The following SENP7 variants were observed in gnomAD, a reference collection of about 807,000 sequenced individuals.
SENP7 encodes the protein sentrin-specific protease 7.
A neutral mutation model predicts 141.2 loss-of-function variants in SENP7; 64 were observed. The ratio of observed to expected loss-of-function variants is 0.45; its 90% CI spans 0.37 to 0.56. The LOEUF (loss-of-function observed/expected upper bound fraction) is 0.56, where lower values mean the gene tolerates loss of function less well. Ranked by LOEUF, SENP7 falls within the 20% of genes least tolerant of loss-of-function variation. SENP7 has a pLI of 0.00. For missense variants in SENP7, 1,025 were observed against 1,212.2 expected (o/e 0.85, Z 2.29); for synonymous variants, 382 against 426.4 (o/e 0.90, Z 1.28).
chr3:101,394,533 G>T (rs1439756356), intron 6 of SENP7, among the ~76,000 whole-genome samples: 2 of 147,498 alleles, frequency 1.4e-5, no homozygotes, highest in East Asian at 2.0e-4. Flanking sequence ...TTTTTTTTGA[G>T]ACGGAGTCTG....
chr3:101,447,652 A>G (rs1266798211), intron 4 of SENP7, among the ~76,000 whole-genome samples: 2 of 152,208 alleles, frequency 1.3e-5, no homozygotes, highest in Non-Finnish European at 2.9e-5. Context: ...TAAAATGGCA[A>G]TATTCCCCAA....
chr3:101,410,828 G>A (rs1284411515), intron 5 of SENP7, among the ~76,000 whole-genome samples: 1 of 53,344 alleles, frequency 1.9e-5, no homozygotes, highest in African/African-American at 7.4e-5. Context: ...CTGGATGACA[G>A]AGTGAGATTC....
chr3:101,344,991 C>CA lies in SENP7; in HGVS notation c.1838-1038dup, dbSNP rs71132568. ...AGCCCATCTCTAGAAAAAAAGAAAG[C>CA]AAAAAAAAAAAAAAAAAAAAAAAAA... On this transcript the variant is annotated intron_variant, in intron 13 of 23. Coordinates refer to ENST00000394095, the MANE Select transcript of SENP7 (RefSeq NM_020654.5). Among the ~76,000 whole-genome samples, 265 of 61,350 alleles carry CA rather than the reference C, an allele frequency of 4.3e-3. 8 individuals are homozygous for CA. Among genetic ancestry groups the CA allele is most frequent in the African/African-American group, 0.014 (203 of 14,968 alleles). 40.2% of individuals were successfully genotyped at this position (61,350 alleles called of 152,430 possible). A position where few individuals can be genotyped will look rare whatever the true frequency, so the allele number is the denominator to read the frequency against.
chr3:101,414,701 T>C (rs1408439807), intron 5 of SENP7: 2 of 951,298 alleles, frequency 2.1e-6, no homozygotes, highest in Non-Finnish European at 3.1e-6. Flanking sequence ...TTGGGAACTT[T>C]AGTATTTTAA....
chr3:101,428,021 T>A lies in SENP7; in HGVS notation c.285-10231A>T, dbSNP rs192444525. 1.1e-3 allele frequency among the ~76,000 whole-genome samples: 173 copies of A among 152,352 alleles called. 1 individual carries two copies. The highest frequency in any genetic ancestry group is 3.4e-3 in the Middle Eastern group (1 of 294). Reference sequence around the variant, plus strand: ...TTCATCCATGTCCTGGCAAAGGACATGAAATCATCCTTTTTTATGGCTGCA... The same window carrying A: ...TTCATCCATGTCCTGGCAAAGGACAAGAAATCATCCTTTTTTATGGCTGCA... On this transcript the variant is annotated intron_variant, in intron 4 of 23. Transcript: ENST00000394095.
intron 11 of SENP7, among the ~76,000 whole-genome samples, chr3:101,355,210 T>C (rs2059709627): frequency 6.6e-6 from 1 of 152,238 alleles, no homozygotes; most frequent in Non-Finnish European, 1.5e-5. Flanking sequence ...GCAGAAGTTC[T>C]TTAGTTTAAC....
At chr3:101,334,829 G>A (rs2059143196) in intron 17 of SENP7, among the ~76,000 whole-genome samples, 1 of 152,120 alleles carries the variant, frequency 6.6e-6, no homozygotes, top group Admixed American at 6.5e-5. Flanking sequence ...ATAGAATGAG[G>A]CAAGGAGGAT....
intron 3 of SENP7, among the ~76,000 whole-genome samples, chr3:101,479,218 A>T (rs2064346202): frequency 6.6e-6 from 1 of 152,230 alleles, no homozygotes; most frequent in African/African-American, 2.4e-5. Flanking sequence ...AGGCAAGAGA[A>T]AAAATAAAAG....
chr3:101,397,889 C>T (rs1050557361), intron 6 of SENP7, among the ~76,000 whole-genome samples: 4 of 152,124 alleles, frequency 2.6e-5, no homozygotes, highest in African/African-American at 9.7e-5. Flanking sequence ...ATAAATCTAA[C>T]AGAATGTACT....
At chr3:101,357,321 A>G (rs1031296955) in intron 11 of SENP7, 5 of 653,832 alleles carry the variant, frequency 7.6e-6, no homozygotes, top group African/African-American at 1.8e-5. Context: ...GACACTGCAC[A>G]GTGGAATTTA....
intron 2 of SENP7, among the ~76,000 whole-genome samples, chr3:101,498,410 G>A (rs1393656572): frequency 6.6e-6 from 1 of 152,104 alleles, no homozygotes; most frequent in African/African-American, 2.4e-5. Flanking sequence ...AATGCACTAA[G>A]AAGGTCATCA....
chr3:101,497,756 ATAAG>A (rs1287979704), intron 2 of SENP7, among the ~76,000 whole-genome samples: 6 of 152,286 alleles, frequency 3.9e-5, no homozygotes, highest in South Asian at 4.2e-4. Flanking sequence ...AAATAAATAA[ATAAG>A]TAAGTAAGTA....
chr3:101,443,598 C>T (rs1205177911), intron 4 of SENP7, among the ~76,000 whole-genome samples: 3 of 151,542 alleles, frequency 2.0e-5, no homozygotes, highest in East Asian at 3.9e-4. Context: ...AATGTTCTTC[C>T]ATTTGTTTGT....
At position 101,502,352 on chromosome 3, in the gene SENP7, G is replaced by A. The variant is rs534176332; in HGVS notation, c.41-1233C>T. ...GGAGTTTCACTCATTGCCCAGGCTG[G>A]AGTGCAATGGCACAATCTCGGCTCA... is the stretch of plus-strand genomic sequence containing the variant. On this transcript the variant is annotated intron_variant, in intron 1 of 23. Transcript: ENST00000394095. Among the ~76,000 whole-genome samples, 3 of 152,296 alleles carry A rather than the reference G, an allele frequency of 2.0e-5. No individual in the cohort carries two copies. In the East Asian group the frequency reaches 5.8e-4, roughly 29 times the overall value.
At chr3:101,357,514 G>A (rs374497920) in intron 11 of SENP7, 23 of 1,412,298 alleles carry the variant, frequency 1.6e-5, no homozygotes, top group Non-Finnish European at 2.2e-5. Context: ...GGCCAGAGCA[G>A]AGCATAAAAG....
intron 3 of SENP7, among the ~76,000 whole-genome samples, chr3:101,467,969 A>G (rs1253962001): frequency 6.6e-6 from 1 of 152,216 alleles, no homozygotes; most frequent in East Asian, 1.9e-4. Context: ...AAAAAACATT[A>G]GACAAATGGC....
At chr3:101,496,079 G>T (rs1204519650) in intron 2 of SENP7, among the ~76,000 whole-genome samples, 4 of 152,070 alleles carry the variant, frequency 2.6e-5, no homozygotes, top group African/African-American at 9.7e-5. Context: ...GTATTTTGTG[G>T]TTTTCTATTT....
chr3:101,463,378 T>TATATATATATATATATATAC (rs1326459080), intron 3 of SENP7, among the ~76,000 whole-genome samples: 97 of 84,360 alleles, frequency 1.1e-3, no homozygotes, highest in Non-Finnish European at 1.8e-3. Context: ...TATATATATA[T>TATATATATATATATATATAC]ATATATATAT....
chr3:101,391,581 T>C (rs2060817343), intron 6 of SENP7, among the ~76,000 whole-genome samples: 1 of 151,878 alleles, frequency 6.6e-6, no homozygotes, highest in Non-Finnish European at 1.5e-5. Context: ...AGCAACAAGA[T>C]CAAAGCAGTA....
Sources: gnomAD v4.1 joint callset for allele counts (sites outside exome capture counted in the v4.1 genomes callset) on GRCh38, gnomAD v4.1.1 for gene constraint, MANE v1.5 for transcripts, NCBI Gene and HGNC (gene_info 2026-07-23, HGNC 2026-07-21) for gene names.